MYO15B: variants seen among roughly 807,000 people sequenced by gnomAD.
MYO15B encodes myosin XVB, also known as myosin XVB pseudogene.
In MYO15B, 207 loss-of-function variants were observed where a neutral mutation model predicts 119.3. That is an observed-to-expected ratio of 1.73 (90% CI 1.55 to 1.95). MYO15B has a LOEUF of 1.95. MYO15B is among the 30% of genes most tolerant of loss of function. The probability of loss-of-function intolerance (pLI) is 0.00; values close to 1 mark genes in which losing one functional copy is unlikely to be tolerated. For missense variants in MYO15B, 2,264 were observed against 1,203.1 expected, an observed-to-expected ratio of 1.88 and a Z score of -13.04; for synonymous variants, 966 against 498.9, an observed-to-expected ratio of 1.94 and a Z score of -12.48.
chr17:75,608,201 C>T (rs2057777253), intron 21 of MYO15B, among the ~76,000 whole-genome samples: 1 of 152,120 alleles, frequency 6.6e-6, no homozygotes, highest in Non-Finnish European at 1.5e-5. Flanking sequence ...TCACTGCAAC[C>T]TCTGCCCCCT....
In MYO15B at chr17:75,589,796, C is replaced by G; in HGVS notation, c.1739C>G (p.Ala580Gly). 5.0e-6 allele frequency: 2 copies of G among 396,990 alleles called. No individual in the cohort carries two copies. Among genetic ancestry groups the G allele is most frequent in the Non-Finnish European group, 8.9e-6 (2 of 225,604 alleles). The allele number at this position is 396,990 out of a possible 1,614,324, so 24.6% of individuals were successfully genotyped here. ...GGGGAAGGCCGAGGTTGGCCTCGTG[C>G]AGGGGTGGGGGGGCACAGTGAGGGG... Residue 580 changes from alanine (A) to glycine (G), a missense_variant, in exon 1 of 64, where the codon GCA becomes GGA. By Grantham distance (60) the Ala-to-Gly change is moderately conservative (BLOSUM62 0). Coordinates refer to ENST00000645453, the Ensembl canonical transcript of MYO15B. This position sits in a 1 kb window ranked among gnomAD's most constrained non-coding sequence, Gnocchi z 4.2.
rs900089308 is a variant in MYO15B at position 75,590,983 on chromosome 17, G to A, written c.2327G>A (p.Ser776Asn). 4 of 571,830 alleles carry A rather than the reference G, an allele frequency of 7.0e-6. No individual in the cohort carries two copies. In the African/African-American group the frequency reaches 7.6e-5, roughly 11 times the overall value. 35.4% of individuals were successfully genotyped at this position (571,830 alleles called of 1,614,324 possible). ...CTTTTTTCACCTGAGGTCCAGGCAAGCTACCACCCCAGGAAGGCCCTCAGC... is the reference window on the plus strand; with the variant it reads ...CTTTTTTCACCTGAGGTCCAGGCAAACTACCACCCCAGGAAGGCCCTCAGC... The change falls in exon 3 of 64, where the codon AGC becomes AAC. Residue 776 changes from serine to asparagine, a missense_variant. Transcript: ENST00000645453.
intron 14 of MYO15B, among the ~76,000 whole-genome samples, chr17:75,601,204 A>C (rs1371512925): frequency 6.6e-6 from 1 of 151,946 alleles, no homozygotes; most frequent in Non-Finnish European, 1.5e-5. Flanking sequence ...CGCCCAGCCC[A>C]ATTTTTAAAT....
chr17:75,619,926 A>G, exon 47 of MYO15B: 1 of 702,568 alleles, frequency 1.4e-6, no homozygotes, highest in Non-Finnish European at 2.6e-6. Context: ...TCCACCCTGG[A>G]GCTGTCACTG....
At chr17:75,590,993 C>T in exon 3 of MYO15B, 1 of 582,212 alleles carries the variant, frequency 1.7e-6, no homozygotes, top group Non-Finnish European at 3.1e-6. Flanking sequence ...GCTACCACCC[C>T]AGGAAGGCCC....
exon 34 of MYO15B, chr17:75,615,299 C>T: frequency 1.4e-6 from 1 of 702,748 alleles, no homozygotes; most frequent in African/African-American, 1.7e-5. Flanking sequence ...TGCACCCATG[C>T]CCATGATGCC....
intron 12 of MYO15B, among the ~76,000 whole-genome samples, chr17:75,596,191 A>G (rs2056846420): frequency 6.6e-6 from 1 of 152,168 alleles, no homozygotes; most frequent in Non-Finnish European, 1.5e-5. Flanking sequence ...TCGCCTTCCA[A>G]GCCACAGGAT....
chr17:75,612,998 T>C (rs1444632047), exon 27 of MYO15B: 11 of 693,490 alleles, frequency 1.6e-5, no homozygotes, highest in Non-Finnish European at 2.9e-5. Context: ...GGGGGACGGA[T>C]CCCTGGAGTC....
chr17:75,588,305 G>A, exon 1 of MYO15B: 1 of 398,378 alleles, frequency 2.5e-6, no homozygotes, highest in East Asian at 3.6e-5. Context: ...CCAGGGGCTG[G>A]GCTGTCCCCG....
chr17:75,611,149 T>C (rs1456153268), intron 23 of MYO15B, among the ~76,000 whole-genome samples, 190 bp downstream of exon 23: 1 of 151,974 alleles, frequency 6.6e-6, no homozygotes, highest in East Asian at 1.9e-4. Context: ...GCTCTGTTTG[T>C]TCGAGTGTCC....
chr17:75,622,862 C>A (rs942759514), intron 53 of MYO15B, among the ~76,000 whole-genome samples: 3 of 152,162 alleles, frequency 2.0e-5, no homozygotes, highest in Admixed American at 1.3e-4. Context: ...AAATCCCAGA[C>A]TTCCCAGTGG....
rs1432695568 is a variant in MYO15B, at chr17:75,591,007, G to A, written c.2351G>A (p.Ser784Asn). The A allele has an allele frequency of 1.2e-4, 75 of 607,232 alleles. No homozygotes were observed. In the East Asian group the frequency reaches 2.0e-3, roughly 17 times the overall value. The allele number at this position is 607,232 out of a possible 1,614,324, so 37.6% of individuals were successfully genotyped here. The change falls in exon 3 of 64, where the codon AGC becomes AAC. Residue 784 changes from serine (S) to asparagine (N), a missense_variant. Transcript: ENST00000645453. ...AGCTACCACCCCAGGAAGGCCCTCA[G>A]CACCACTCCGTATGTGACTCTGCCC...
At chr17:75,603,243 T>C (rs2057400109) in exon 19 of MYO15B, 1 of 702,982 alleles carries the variant, frequency 1.4e-6, no homozygotes, top group African/African-American at 1.7e-5. Flanking sequence ...CAGGCAGCCA[T>C]ACTGGAGGCC....
chr17:75,619,622 G>A (rs1032695201), intron 45 of MYO15B, 59 bp from the exon 46 acceptor site: 4 of 697,554 alleles, frequency 5.7e-6, no homozygotes, highest in South Asian at 4.5e-5. Context: ...GCAGCTCCAG[G>A]GCATCTTGGG....
At position 75,615,045 on chromosome 17, in the gene MYO15B, G is replaced by C; in HGVS notation, c.5641+3G>C. 1 of 702,586 alleles carries C rather than the reference G, an allele frequency of 1.4e-6. No individual in the cohort carries two copies. Among genetic ancestry groups the C allele is most frequent in the Non-Finnish European group, 2.6e-6 (1 of 384,766 alleles). 43.5% of individuals were successfully genotyped at this position (702,586 alleles called of 1,614,324 possible). The stretch of plus-strand genomic sequence containing the variant: ...CACACAGCAGGGCTACCCCATGGGT[G>C]AGTGAGGGGCTGATTCCTCACCCAG... On this transcript the variant is annotated splice_donor_region_variant and intron_variant, in intron 33 of 63. Coordinates refer to ENST00000645453, the Ensembl canonical transcript of MYO15B.
intron 39 of MYO15B, 35 bp from the exon 40 acceptor site, chr17:75,616,839 C>T (rs1461624448): frequency 1.4e-6 from 1 of 703,072 alleles, no homozygotes; most frequent in Non-Finnish European, 2.6e-6. Flanking sequence ...GGGAATCACC[C>T]TATGAACTTA....
intron 14 of MYO15B, chr17:75,600,631 G>T (rs2057215521): frequency 8.3e-6 from 1 of 120,000 alleles, no homozygotes; most frequent in South Asian, 2.8e-4. Context: ...TGTTGCCCAG[G>T]CTGGAGTGCA....
chr17:75,593,013 T>C, intron 9 of MYO15B, 173 bp downstream of exon 9: 1 of 557,900 alleles, frequency 1.8e-6, no homozygotes, highest in Non-Finnish European at 3.2e-6. Flanking sequence ...GCTTCTCCAC[T>C]CTCCCAATGT....
chr17:75,613,028 G>C (rs1241444898), exon 27 of MYO15B: 1 of 698,572 alleles, frequency 1.4e-6, no homozygotes, highest in East Asian at 2.7e-5. Flanking sequence ...GCAGATCATG[G>C]GCGCATACCT....
Sources: gnomAD v4.1 joint callset for allele counts (sites outside exome capture counted in the v4.1 genomes callset) on GRCh38, gnomAD v4.1.1 for gene constraint, Gnocchi (gnomAD v3.1) non-coding constraint, MANE v1.5 for transcripts, NCBI Gene and HGNC (gene_info 2026-07-23, HGNC 2026-07-21) for gene names.